The following PDGFC variants were observed in gnomAD, a reference collection of about 807,000 sequenced individuals.
PDGFC encodes platelet-derived growth factor C.
Under a neutral mutation model 35.5 loss-of-function variants are expected in PDGFC, and 12 were observed. The observed-to-expected ratio is 0.34, with a 90% CI of 0.22 to 0.55. The LOEUF is 0.55. Among genes scored for constraint, PDGFC ranks in the 20% least tolerant of loss-of-function variants. PDGFC has a pLI of 0.91. For synonymous variants in PDGFC, 159 were observed against 148.8 expected, an observed-to-expected ratio of 1.07 and a Z score of -0.50; for missense variants, 322 against 412.4, an observed-to-expected ratio of 0.78 and a Z score of 1.90.
intron 1 of PDGFC, among the ~76,000 whole-genome samples, chr4:156,955,076 A>G (rs748514934): frequency 3.3e-5 from 5 of 152,064 alleles, no homozygotes; most frequent in Non-Finnish European, 7.4e-5. Flanking sequence ...GAAGAGAGAC[A>G]TATTAGACTG....
chr4:156,906,864 A>G (rs1730926736), intron 1 of PDGFC, among the ~76,000 whole-genome samples: 1 of 152,226 alleles, frequency 6.6e-6, no homozygotes, highest in African/African-American at 2.4e-5. Flanking sequence ...ACTTCCAAAG[A>G]AAGCCTCACT....
chr4:156,913,144 C>A (rs987482714), intron 1 of PDGFC, among the ~76,000 whole-genome samples: 3 of 152,106 alleles, frequency 2.0e-5, no homozygotes, highest in African/African-American at 7.2e-5. Context: ...ATACCCTTCG[C>A]ATCAACTATC....
intron 1 of PDGFC, among the ~76,000 whole-genome samples, chr4:156,920,907 A>C (rs1415824412): frequency 1.3e-5 from 2 of 152,202 alleles, no homozygotes; most frequent in Non-Finnish European, 2.9e-5. Flanking sequence ...TTACAGACCG[A>C]AAGTTAAATT....
At chr4:156,855,603 T>C (rs1729555497) in intron 1 of PDGFC, among the ~76,000 whole-genome samples, 1 of 152,176 alleles carries the variant, frequency 6.6e-6, no homozygotes, top group Non-Finnish European at 1.5e-5. Context: ...TATGTAAAAA[T>C]GCATTTCTCT....
chr4:156,924,885 C>T (rs1731369663), intron 1 of PDGFC, among the ~76,000 whole-genome samples: 1 of 151,896 alleles, frequency 6.6e-6, no homozygotes, highest in African/African-American at 2.4e-5. Flanking sequence ...TTTTGCTGGG[C>T]AGCAAAAAAG....
At chr4:156,787,492 C>T (rs1023590682) in intron 3 of PDGFC, among the ~76,000 whole-genome samples, 1 of 152,154 alleles carries the variant, frequency 6.6e-6, no homozygotes, top group African/African-American at 2.4e-5. Context: ...GTGAATGCAA[C>T]ATAACTGTCG....
At chr4:156,961,228 A>G (rs1333752591) in intron 1 of PDGFC, among the ~76,000 whole-genome samples, 1 of 152,122 alleles carries the variant, frequency 6.6e-6, no homozygotes, top group Non-Finnish European at 1.5e-5. Flanking sequence ...TTTATTCCCC[A>G]GCAGAAAAAA....
chr4:156,904,459 T>C (rs1459071924), intron 1 of PDGFC, among the ~76,000 whole-genome samples: 1 of 152,134 alleles, frequency 6.6e-6, no homozygotes, highest in Non-Finnish European at 1.5e-5. Context: ...TTATTTCTCT[T>C]GTCCATAGAA....
intron 1 of PDGFC, among the ~76,000 whole-genome samples, chr4:156,889,511 G>A (rs1381434575): frequency 6.6e-6 from 1 of 152,130 alleles, no homozygotes; most frequent in Non-Finnish European, 1.5e-5. Flanking sequence ...CACCTTCAAG[G>A]TTAGTGCTCT....
At chr4:156,927,676 T>C (rs1731446892) in intron 1 of PDGFC, among the ~76,000 whole-genome samples, 1 of 152,128 alleles carries the variant, frequency 6.6e-6, no homozygotes, top group South Asian at 2.1e-4. Context: ...GATTTCATTG[T>C]CCATATCACT....
chr4:156,821,636 C>T (rs1732264011), intron 2 of PDGFC, among the ~76,000 whole-genome samples: 1 of 152,160 alleles, frequency 6.6e-6, no homozygotes, highest in South Asian at 2.1e-4. Flanking sequence ...CAATCTCTGC[C>T]TCCTGGCTTC....
intron 1 of PDGFC, among the ~76,000 whole-genome samples, chr4:156,917,412 A>G (rs932277301): frequency 2.6e-5 from 4 of 152,198 alleles, no homozygotes; most frequent in African/African-American, 9.7e-5. Context: ...TCCAGCTACC[A>G]CCATCTCAAG....
At position 156,771,452 on chromosome 4, in the gene PDGFC, G is replaced by A. The variant is rs1032843961; in HGVS notation, c.703+1234C>T. Among the ~76,000 whole-genome samples, 4 of 152,120 alleles carry A rather than the reference G, an allele frequency of 2.6e-5. No individual in the cohort carries two copies. The South Asian group carries it at 6.2e-4, about 24-fold the overall frequency. ...GTGGGAGGGAAGGGAAGTGTTGCTC[G>A]TAAGTTATTCATCAAGTTATTCATC... On this transcript the variant is annotated intron_variant, in intron 4 of 5. Transcript: ENST00000502773.
At chr4:156,817,071 A>T (rs1316327867) in intron 2 of PDGFC, among the ~76,000 whole-genome samples, 1 of 152,210 alleles carries the variant, frequency 6.6e-6, no homozygotes, top group Non-Finnish European at 1.5e-5. Context: ...ATTCTCATGA[A>T]ACCATGAAGA....
intron 1 of PDGFC, among the ~76,000 whole-genome samples, chr4:156,904,009 T>C (rs1730855526): frequency 6.6e-6 from 1 of 152,124 alleles, no homozygotes. Context: ...CCAGGTTCCC[T>C]GTAAATTTAA....
intron 3 of PDGFC, among the ~76,000 whole-genome samples, chr4:156,787,937 G>T (rs1285950560): frequency 6.6e-6 from 1 of 152,156 alleles, no homozygotes; most frequent in Non-Finnish European, 1.5e-5. Context: ...GAGGGAAAAT[G>T]TAAGGTAACA....
At chr4:156,921,528 T>G (rs189231202) in intron 1 of PDGFC, among the ~76,000 whole-genome samples, 292 of 151,286 alleles carry the variant, frequency 1.9e-3, no homozygotes, top group African/African-American at 6.2e-3. Flanking sequence ...AAAAAGAAAA[T>G]TAGAAAGAGA....
intron 3 of PDGFC, among the ~76,000 whole-genome samples, chr4:156,785,855 C>T (rs1413913133): frequency 6.6e-6 from 1 of 152,110 alleles, no homozygotes; most frequent in Non-Finnish European, 1.5e-5. Flanking sequence ...GTCAGTTGAT[C>T]AATATCTTCC....
Position 156,767,985 on chromosome 4 carries a change from C to T in PDGFC, c.709G>A (p.Asp237Asn), listed in dbSNP as rs2110798610. The T allele has an allele frequency of 1.3e-6, 2 of 1,588,216 alleles. No homozygotes were observed. Among genetic ancestry groups the T allele is most frequent in the East Asian group, 4.5e-5 (2 of 44,732 alleles). ...FVFGRKSRVV[D>N]LNLLTEEVRL... Reference sequence around the variant, plus strand: ...ACCTCCTCTGTTAGAAGGTTCAGATCCACCACTATATGGTATAAAAGAAAG... The same window carrying T: ...ACCTCCTCTGTTAGAAGGTTCAGATTCACCACTATATGGTATAAAAGAAAG... Residue 237 changes from aspartate (D) to asparagine (N), a missense_variant, in exon 5 of 6, where the codon GAT becomes AAT. This residue lies in a region of PDGFC where 202 missense variants were observed against 295.9 expected (regional missense o/e 0.68). Transcript: ENST00000502773.
Sources: gnomAD v4.1 joint callset for allele counts (sites outside exome capture counted in the v4.1 genomes callset) on GRCh38, gnomAD v4.1.1 for gene constraint, gnomAD v4.1.1 regional missense constraint, MANE v1.5 for transcripts, NCBI Gene and HGNC (gene_info 2026-07-23, HGNC 2026-07-21) for gene names.